The following ADGRE2 variants were observed in gnomAD, a reference collection of about 807,000 sequenced individuals.
The protein encoded by ADGRE2 is CD97 antigen.
Under a neutral mutation model 100.8 loss-of-function variants are expected in ADGRE2, and 83 were observed. The ratio of observed to expected loss-of-function variants is 0.82; its 90% CI spans 0.69 to 0.99. The LOEUF (loss-of-function observed/expected upper bound fraction) is 0.99, where lower values mean the gene tolerates loss of function less well. Ranked by LOEUF, ADGRE2 falls within the 50% of genes least tolerant of loss-of-function variation. ADGRE2 has a pLI of 0.00. For missense variants in ADGRE2, 814 were observed against 1,035.7 expected (o/e 0.79, Z 2.94); for synonymous variants, 355 against 413.0 (o/e 0.86, Z 1.70).
intron 5 of ADGRE2, among the ~76,000 whole-genome samples, chr19:14,770,838 C>T (rs1213889834): frequency 6.6e-6 from 1 of 151,828 alleles, no homozygotes; most frequent in African/African-American, 2.4e-5. Flanking sequence ...ACCACTATGC[C>T]TGGCTAACTT....
Position 14,746,949 on chromosome 19 carries a change from G to A in ADGRE2, c.2038C>T (p.Pro680Ser). Residue 680 changes from proline to serine, a missense_variant, in exon 17 of 21, where the codon CCA (proline) becomes TCA (serine). By Grantham distance (74) the Pro-to-Ser change is moderately conservative. Coordinates refer to ENST00000315576, the MANE Select transcript of ADGRE2 (RefSeq NM_013447.4). ...AAGCCCCATATAAATCCCTTTTCTG[G>A]TTGGAGCCAGCAGCTGAAAAAAGAG... ...YGTPSRCWLQ[P>S]EKGFIWGFLG... 3 of 1,612,490 alleles carry A rather than the reference G, an allele frequency of 1.9e-6. No homozygotes were observed. In the East Asian group the frequency reaches 6.7e-5, roughly 36 times the overall value.
chr19:14,746,908 G>C lies in ADGRE2; in HGVS notation c.2079C>G (p.Cys693Trp). ...GFIWGFLGPV[C>W]AIFSVNLVLF... The stretch of plus-strand genomic sequence containing the variant: ...TGATGTCACTCACAGAGAAGATGGC[G>C]CAGACAGGTCCAAGGAAGCCCCATA... The change falls in exon 17 of 21, where the codon TGC (cysteine) becomes TGG (tryptophan). Residue 693 changes from cysteine to tryptophan, a missense_variant. By Grantham distance (215) the Cys-to-Trp change is radical. Around this residue, in one of 5 missense-constraint regions of ADGRE2, gnomAD observed 569 missense variants for 692.7 expected, o/e 0.82. Transcript: ENST00000315576. 6.2e-7 allele frequency: 1 copy of C among 1,613,716 alleles called. No homozygotes were observed. The highest frequency in any genetic ancestry group is 8.5e-7 in the Non-Finnish European group (1 of 1,179,870).
At chr19:14,754,439 TTATCTATC>T (rs58065037) in intron 14 of ADGRE2, among the ~76,000 whole-genome samples, 8,847 of 126,258 alleles carry the variant, frequency 0.07, 278 homozygotes, top group Non-Finnish European at 0.083. Flanking sequence ...CAGGCAGAAA[TTATCTATC>T]TATCTATCTA....
chr19:14,727,179 C>T, the ADGRE2 span, among the ~76,000 whole-genome samples: 3 of 152,012 alleles, frequency 2.0e-5, no homozygotes, highest in Non-Finnish European at 4.4e-5. Flanking sequence ...AGGTGTCCGC[C>T]ACCACGCCTG....
rs61731999 is a variant in ADGRE2 at position 14,752,493 on chromosome 19, T to C, written c.1624A>G (p.Met542Val). The change falls in exon 15 of 21, where the codon ATG becomes GTG. Residue 542 changes from methionine to valine, a missense_variant. Around this residue, in one of 5 missense-constraint regions of ADGRE2, gnomAD observed 569 missense variants for 692.7 expected, o/e 0.82. Coordinates refer to ENST00000315576, the MANE Select transcript of ADGRE2 (RefSeq NM_013447.4). Reference sequence around the variant, plus strand: ...CACAGCAGAGAGACGCTCAGCCCCATGTAGGTGATGACAGTCAGCACGGGA... The same window carrying C: ...CACAGCAGAGAGACGCTCAGCCCCACGTAGGTGATGACAGTCAGCACGGGA... ...EDPVLTVITY[M>V]GLSVSLLCLL... 2.9e-3 allele frequency: 4,576 copies of C among 1,604,270 alleles called. 92 individuals carry two copies. In the African/African-American group the frequency reaches 0.048, roughly 17 times the overall value.
intron 5 of ADGRE2, among the ~76,000 whole-genome samples, chr19:14,770,491 C>G (rs779282561): frequency 6.6e-6 from 1 of 152,036 alleles, no homozygotes; most frequent in Admixed American, 6.6e-5. Context: ...AACAGAGGCT[C>G]TCACTGACAA....
downstream of ADGRE2, among the ~76,000 whole-genome samples, chr19:14,727,521 G>T (rs1203356690): frequency 6.6e-6 from 1 of 152,068 alleles, no homozygotes; most frequent in East Asian, 1.9e-4. Context: ...TAAACAACCT[G>T]ATCTGGTGTG....
intron 20 of ADGRE2, chr19:14,741,687 G>A (rs577267655): frequency 1.7e-4 from 29 of 170,212 alleles, no homozygotes; most frequent in South Asian, 8.3e-4. Context: ...GGGTTTCACC[G>A]TGTTAGCCAG....
intron 5 of ADGRE2, among the ~76,000 whole-genome samples, chr19:14,769,358 G>A (rs2044110520): frequency 6.6e-6 from 1 of 152,196 alleles, no homozygotes; most frequent in Non-Finnish European, 1.5e-5. Context: ...CAGGTGACCA[G>A]GTGTTTGGGA....
At chr19:14,751,394 G>A (rs2043278614) in intron 16 of ADGRE2, 42 bp downstream of exon 16, 1 of 1,475,022 alleles carries the variant, frequency 6.8e-7, no homozygotes, top group South Asian at 1.1e-5. Flanking sequence ...AATGGCCATG[G>A]TTATGCCGGA....
Position 14,734,093 on chromosome 19 carries a change from T to C in ADGRE2, c.*2143A>G, listed in dbSNP as rs1292360631. ...CAGAGGATGGAGATGGTAGGTAGTGTAGGGCAGTGCAAGAAGCTCCAGCTC... is the reference window on the plus strand; with the variant it reads ...CAGAGGATGGAGATGGTAGGTAGTGCAGGGCAGTGCAAGAAGCTCCAGCTC... On this transcript the variant is annotated 3_prime_UTR_variant, in exon 21 of 21. Coordinates refer to ENST00000315576, the MANE Select transcript of ADGRE2 (RefSeq NM_013447.4). 6.6e-6 allele frequency: 1 copy of C among 152,256 alleles called. No homozygotes were observed. 9.4% of individuals were successfully genotyped at this position (152,256 alleles called of 1,614,324 possible).
At chr19:14,749,256 TAAAG>T (rs1424379711) in intron 16 of ADGRE2, among the ~76,000 whole-genome samples, 3 of 146,670 alleles carry the variant, frequency 2.0e-5, no homozygotes, top group Non-Finnish European at 4.5e-5. Flanking sequence ...ATTAATAAAA[TAAAG>T]AATTAAGGAA....
Position 14,755,138 on chromosome 19 carries a change from A to T in ADGRE2, c.1417-11T>A. 1 of 1,612,076 alleles carries T rather than the reference A, an allele frequency of 6.2e-7. No homozygotes were observed. Among genetic ancestry groups the T allele is most frequent in the Non-Finnish European group, 8.5e-7 (1 of 1,178,452 alleles). ...TCTCGGGATCACTGACTGCAGGAACAGAACACAGGTGTGGGCTGGGCATGG... is the reference window on the plus strand; with the variant it reads ...TCTCGGGATCACTGACTGCAGGAACTGAACACAGGTGTGGGCTGGGCATGG... On this transcript the variant is annotated splice_polypyrimidine_tract_variant and intron_variant, in intron 13 of 20. Coordinates refer to ENST00000315576, the MANE Select transcript of ADGRE2 (RefSeq NM_013447.4).
chr19:14,740,095 ACT>A (rs2042883010), intron 20 of ADGRE2, among the ~76,000 whole-genome samples: 2 of 131,890 alleles, frequency 1.5e-5, no homozygotes, highest in Non-Finnish European at 3.3e-5. Flanking sequence ...AGCGAGTGAG[ACT>A]CTGTCTAAAA....
intron 11 of ADGRE2, among the ~76,000 whole-genome samples, chr19:14,757,045 G>T (rs1233490427): frequency 6.6e-6 from 1 of 151,990 alleles, no homozygotes; most frequent in African/African-American, 2.4e-5. Flanking sequence ...TGGCACTACA[G>T]GTGCTCACTA....
In ADGRE2 at chr19:14,734,553, T is replaced by C. The variant is rs2042715872; in HGVS notation, c.*1683A>G. The stretch of plus-strand genomic sequence containing the variant: ...ATTAGAATCTACCAGGTTGAGTTGC[T>C]TTTGGAACTTAATATTATCATCTAT... On this transcript the variant is annotated 3_prime_UTR_variant, in exon 21 of 21. Coordinates refer to ENST00000315576, the MANE Select transcript of ADGRE2 (RefSeq NM_013447.4). 1 of 152,162 alleles carries C rather than the reference T, an allele frequency of 6.6e-6. No individual in the cohort carries two copies. The highest frequency in any genetic ancestry group is 1.5e-5 in the Non-Finnish European group (1 of 68,038). 9.4% of individuals were successfully genotyped at this position (152,162 alleles called of 1,614,324 possible). A position where few individuals can be genotyped will look rare whatever the true frequency, so the allele number is the denominator to read the frequency against.
At chr19:14,724,340 C>T in the ADGRE2 span, among the ~76,000 whole-genome samples, 1 of 152,220 alleles carries the variant, frequency 6.6e-6, no homozygotes, top group East Asian at 1.9e-4. Flanking sequence ...CATAGCTTCT[C>T]TTACTGATTC....
At chr19:14,775,134 C>G (rs1487550772) in intron 2 of ADGRE2, among the ~76,000 whole-genome samples, 1 of 150,486 alleles carries the variant, frequency 6.6e-6, no homozygotes, top group Admixed American at 6.6e-5. Flanking sequence ...TCTTGAGTGG[C>G]TGGGACTACA....
At chr19:14,731,209 G>A (rs1341733009), downstream of ADGRE2, 2 of 1,532,484 alleles carry the variant, frequency 1.3e-6, no homozygotes, top group South Asian at 1.2e-5. Context: ...TCCACATCCA[G>A]TACTCTCTTG....
Sources: allele counts gnomAD v4.1 joint callset (sites outside exome capture counted in the v4.1 genomes callset), GRCh38; gene constraint gnomAD v4.1.1; regional missense constraint gnomAD v4.1.1; transcripts MANE v1.5; gene names NCBI Gene and HGNC (gene_info 2026-07-23, HGNC 2026-07-21).